The following DENND2B variants were observed in gnomAD, a reference collection of about 807,000 sequenced individuals.
DENND2B encodes DENN domain-containing protein 2B.
In DENND2B, 32 loss-of-function variants were observed where a neutral mutation model predicts 116.0. That is an observed-to-expected ratio of 0.28 (90% CI 0.21 to 0.37). The LOEUF (loss-of-function observed/expected upper bound fraction) is 0.37. DENND2B is among the 10% of genes least tolerant of loss of function. The pLI is 1.00. For missense variants in DENND2B, 1,276 were observed against 1,477.7 expected, an observed-to-expected ratio of 0.86 and a Z score of 2.24; for synonymous variants, 588 against 583.9, an observed-to-expected ratio of 1.01 and a Z score of -0.10.
chr11:8,773,392 G>A (rs926930303), intron 1 of DENND2B, among the ~76,000 whole-genome samples: 9 of 152,076 alleles, frequency 5.9e-5, no homozygotes, highest in African/African-American at 1.4e-4. Flanking sequence ...TCTGACCCTC[G>A]GGAGGGCTCT....
intron 1 of DENND2B, among the ~76,000 whole-genome samples, chr11:8,884,620 A>G (rs946751668): frequency 6.6e-6 from 1 of 152,230 alleles, no homozygotes; most frequent in Non-Finnish European, 1.5e-5. Flanking sequence ...CAGGCAGCCT[A>G]GGAGTTAATA....
intron 4 of DENND2B, among the ~76,000 whole-genome samples, chr11:8,837,143 A>C (rs2062461391): frequency 1.3e-5 from 2 of 152,324 alleles, no homozygotes; most frequent in South Asian, 2.1e-4. Flanking sequence ...ACTGGAACAA[A>C]AAAAAAAGTC....
intron 2 of DENND2B, among the ~76,000 whole-genome samples, chr11:8,864,424 C>T (rs545265597): frequency 2.0e-4 from 31 of 152,180 alleles, no homozygotes; most frequent in South Asian, 4.1e-4. Context: ...CGCACCGCCA[C>T]GCTCGGCTAA....
chr11:8,777,400 T>A (rs1226315321), intron 1 of DENND2B, among the ~76,000 whole-genome samples: 1 of 152,208 alleles, frequency 6.6e-6, no homozygotes, highest in Non-Finnish European at 1.5e-5. Context: ...GGCCCACATA[T>A]TTTTCATGTC....
At chr11:8,763,955 G>A (rs2055139449) in intron 1 of DENND2B, among the ~76,000 whole-genome samples, 1 of 152,142 alleles carries the variant, frequency 6.6e-6, no homozygotes, top group Admixed American at 6.5e-5. Context: ...CAGGTGTGGT[G>A]GCTCAAGCCT....
chr11:8,869,466 C>G (rs1338206192), intron 2 of DENND2B, among the ~76,000 whole-genome samples: 1 of 152,064 alleles, frequency 6.6e-6, no homozygotes, highest in African/African-American at 2.4e-5. Flanking sequence ...ACTTTGAGAC[C>G]AGCCTGGCCA....
At chr11:8,855,905 T>G (rs1025555650) in intron 3 of DENND2B, among the ~76,000 whole-genome samples, 2 of 152,172 alleles carry the variant, frequency 1.3e-5, no homozygotes, top group Non-Finnish European at 2.9e-5. Flanking sequence ...CCCAGCAAAC[T>G]AGACAGCTGC....
At chr11:8,837,875 G>A (rs2062489985) in intron 4 of DENND2B, among the ~76,000 whole-genome samples, 1 of 152,204 alleles carries the variant, frequency 6.6e-6, no homozygotes, top group African/African-American at 2.4e-5. Flanking sequence ...AAAGCCAGGT[G>A]AAGATCTGGG....
chr11:8,730,433 T>C lies in DENND2B; in HGVS notation c.857A>G (p.Gln286Arg). 1 of 1,609,532 alleles carries C rather than the reference T, an allele frequency of 6.2e-7. No homozygotes were observed. The highest frequency in any genetic ancestry group is 8.5e-7 in the Non-Finnish European group (1 of 1,179,984). Residue 286 changes from glutamine (Q) to arginine (R), a missense_variant, in exon 3 of 20, where the codon CAG becomes CGG. Physicochemically the swap from Gln to Arg is conservative, Grantham distance 43. Around this residue, in one of 2 missense-constraint regions of DENND2B, gnomAD observed 856 missense variants for 846.6 expected, o/e 1.01. Transcript: ENST00000313726. This position sits in a 1 kb window ranked among gnomAD's most constrained non-coding sequence, Gnocchi z 4.1. ...KESSAVLSRI[Q>R]KIEQVLKEQP... is the part of the protein sequence containing the mutation. The stretch of plus-strand genomic sequence containing the variant: ...CTCCTTCAGGACCTGTTCAATTTTC[T>C]GGATCCGGCTCAGCACTGCTGAGCT...
intron 1 of DENND2B, among the ~76,000 whole-genome samples, chr11:8,793,055 T>C (rs1438615325): frequency 6.6e-6 from 1 of 152,196 alleles, no homozygotes; most frequent in Admixed American, 6.5e-5. Flanking sequence ...AGGGGCTTGG[T>C]TAAATAAATT....
chr11:8,885,506 G>C (rs2063950705), intron 1 of DENND2B, among the ~76,000 whole-genome samples: 1 of 152,072 alleles, frequency 6.6e-6, no homozygotes, highest in Non-Finnish European at 1.5e-5. Flanking sequence ...TAATACATTT[G>C]CCACCACATT....
Position 8,698,928 on chromosome 11 carries a change from C to G in DENND2B, c.2940+5G>C. 6.2e-7 allele frequency: 1 copy of G among 1,614,190 alleles called. No individual in the cohort carries two copies. The highest frequency in any genetic ancestry group is 8.5e-7 in the Non-Finnish European group (1 of 1,180,026). On this transcript the variant is annotated splice_donor_5th_base_variant and intron_variant, in intron 16 of 19. Transcript: ENST00000313726. Reference sequence around the variant, plus strand: ...CCCAACTCTAGCAAGCACCCACCCTCTTACCTGTCGGATGAATCGGTCAGA... The same window carrying G: ...CCCAACTCTAGCAAGCACCCACCCTGTTACCTGTCGGATGAATCGGTCAGA...
intron 4 of DENND2B, among the ~76,000 whole-genome samples, chr11:8,834,142 T>C (rs2062325797): frequency 6.6e-6 from 1 of 152,212 alleles, no homozygotes. Flanking sequence ...CAAGAACATC[T>C]GGATAAGCTT....
chr11:8,828,774 G>A (rs1408069400), intron 4 of DENND2B, among the ~76,000 whole-genome samples: 1 of 152,184 alleles, frequency 6.6e-6, no homozygotes, highest in African/African-American at 2.4e-5. Flanking sequence ...CTGCTTTGCT[G>A]CGGTCATGTC....
chr11:8,733,210 G>A (rs779053078), intron 2 of DENND2B, among the ~76,000 whole-genome samples: 3 of 152,208 alleles, frequency 2.0e-5, no homozygotes, highest in Admixed American at 6.5e-5. Context: ...AGGGCAAGTC[G>A]CCAGGCTTGA....
In DENND2B at chr11:8,730,781, G is replaced by A. The variant is rs747925578; in HGVS notation, c.509C>T (p.Ala170Val). 1.2e-6 allele frequency: 2 copies of A among 1,612,800 alleles called. No individual in the cohort carries two copies. Among genetic ancestry groups the A allele is most frequent in the South Asian group, 2.2e-5 (2 of 91,092 alleles). ...CGACGCCTCTCGGCGACCTTCCCAT[G>A]CTGATATCTTCTCCCGGATGCCCAG... ...HSLGIREKIS[A>V]WEGRREASPR... The change falls in exon 3 of 20, where the codon GCA becomes GTA. Residue 170 changes from alanine (A) to valine (V), a missense_variant. Ala to Val is a moderately conservative substitution (Grantham distance 64). Coordinates refer to ENST00000313726, the MANE Select transcript of DENND2B (RefSeq NM_213618.2). The surrounding 1 kb of genome is among the most constrained non-coding windows in gnomAD (Gnocchi z 4.1).
intron 1 of DENND2B, among the ~76,000 whole-genome samples, chr11:8,766,220 C>A (rs1235585475): frequency 2.0e-5 from 3 of 152,110 alleles, no homozygotes; most frequent in Admixed American, 2.0e-4. Context: ...CAACCCAGCC[C>A]CAGAAGTGGG....
intron 1 of DENND2B, among the ~76,000 whole-genome samples, chr11:8,791,238 A>G (rs930831604): frequency 3.3e-5 from 5 of 152,190 alleles, no homozygotes; most frequent in South Asian, 4.1e-4. Flanking sequence ...AGAAGCTTCT[A>G]CGTCACAAGA....
At chr11:8,904,449 TC>T (rs2064209909) in intron 1 of DENND2B, among the ~76,000 whole-genome samples, 1 of 152,108 alleles carries the variant, frequency 6.6e-6, no homozygotes, top group Non-Finnish European at 1.5e-5. Context: ...ATAAAGAGTA[TC>T]TACAAAAAAA....
Sources: allele counts gnomAD v4.1 joint callset (sites outside exome capture counted in the v4.1 genomes callset), GRCh38; gene constraint gnomAD v4.1.1; regional missense constraint gnomAD v4.1.1; non-coding constraint Gnocchi (gnomAD v3.1); transcripts MANE v1.5; gene names NCBI Gene and HGNC (gene_info 2026-07-23, HGNC 2026-07-21).